The following LRMDA variants were observed in gnomAD, a reference collection of about 807,000 sequenced individuals.
LRMDA encodes leucine rich melanocyte differentiation associated, also known as leucine-rich melanocyte differentiation-associated protein.
Under a neutral mutation model 29.8 loss-of-function variants are expected in LRMDA, and 18 were observed. The ratio of observed to expected loss-of-function variants is 0.60; its 90% CI spans 0.42 to 0.90. The LOEUF is 0.90. Among genes scored for constraint, LRMDA ranks in the 40% least tolerant of loss-of-function variants. The pLI is 0.00. For missense variants in LRMDA, 273 were observed against 273.9 expected (o/e 1.00, Z 0.02); for synonymous variants, 125 against 109.4 (o/e 1.14, Z -0.89).
chr10:75,566,812 C>T (rs1160569145), intron 2 of LRMDA, among the ~76,000 whole-genome samples: 1 of 152,180 alleles, frequency 6.6e-6, no homozygotes, highest in Non-Finnish European at 1.5e-5. Context: ...CAGCTCTAGA[C>T]ATTGGCTGTC....
intron 2 of LRMDA, among the ~76,000 whole-genome samples, chr10:75,692,483 G>A (rs367864709): frequency 8.9e-5 from 13 of 145,660 alleles, no homozygotes; most frequent in Admixed American, 2.1e-4. Flanking sequence ...ACATACACAC[G>A]TATACATATA....
chr10:76,527,516 C>T (rs1843190297), intron 6 of LRMDA, among the ~76,000 whole-genome samples: 1 of 152,158 alleles, frequency 6.6e-6, no homozygotes, highest in African/African-American at 2.4e-5. Context: ...ATTAGAGCCA[C>T]TGAGTAAAAA....
At chr10:75,432,173 A>C (rs1216101160) in intron 1 of LRMDA, among the ~76,000 whole-genome samples, 1 of 152,262 alleles carries the variant, frequency 6.6e-6, no homozygotes, top group Non-Finnish European at 1.5e-5. Context: ...ATACCAATGC[A>C]GTTGTAATAT....
intron 2 of LRMDA, among the ~76,000 whole-genome samples, chr10:75,829,836 G>A (rs1490936569): frequency 6.9e-6 from 1 of 144,714 alleles, no homozygotes; most frequent in East Asian, 2.0e-4. Flanking sequence ...TTTTTGAATA[G>A]GCCACTTTTT....
At chr10:75,735,307 G>A (rs953301559) in intron 2 of LRMDA, among the ~76,000 whole-genome samples, 1 of 152,182 alleles carries the variant, frequency 6.6e-6, no homozygotes, top group Non-Finnish European at 1.5e-5. Flanking sequence ...GGGTGTTGAT[G>A]TATAATGGCA....
At chr10:76,356,619 G>A (rs779812934) in intron 6 of LRMDA, among the ~76,000 whole-genome samples, 4 of 152,074 alleles carry the variant, frequency 2.6e-5, no homozygotes, top group East Asian at 1.9e-4. Context: ...GGAAAGCTTC[G>A]TCTTGGCCTC....
intron 5 of LRMDA, among the ~76,000 whole-genome samples, chr10:76,188,888 TTCTC>T (rs1851193985): frequency 6.6e-6 from 1 of 151,672 alleles, no homozygotes; most frequent in South Asian, 2.1e-4. Flanking sequence ...TACCCTTTGT[TTCTC>T]AGTCATTTTT....
intron 5 of LRMDA, among the ~76,000 whole-genome samples, chr10:76,235,937 C>T (rs1355081243): frequency 6.6e-6 from 1 of 152,170 alleles, no homozygotes; most frequent in East Asian, 1.9e-4. Context: ...GTGTGCAGTT[C>T]CTCAGAGTAA....
At chr10:76,554,445 CTG>C (rs374349365) in intron 6 of LRMDA, among the ~76,000 whole-genome samples, 1 of 152,278 alleles carries the variant, frequency 6.6e-6, no homozygotes, top group African/African-American at 2.4e-5. Flanking sequence ...CTATTTAAAT[CTG>C]ACAGTGAATG....
In LRMDA at chr10:75,675,351, TAGA is replaced by T. The variant is rs141754244; in HGVS notation, c.131+236863_131+236865del. ...TATGTTTTCTTCAAAAGTCCTTTCCTAGAAGAAGCTGAAACCTTGATCAGTTAT... is the reference window on the plus strand; with the variant it reads ...TATGTTTTCTTCAAAAGTCCTTTCCTAGAAGCTGAAACCTTGATCAGTTAT... On this transcript the variant is annotated intron_variant, in intron 2 of 6. Coordinates refer to ENST00000611255, the MANE Select transcript of LRMDA (RefSeq NM_001305581.2). 4.7e-4 allele frequency among the ~76,000 whole-genome samples: 71 copies of T among 152,328 alleles called. 1 individual carries two copies. Among genetic ancestry groups the T allele is most frequent in the African/African-American group, 1.6e-3 (66 of 41,582 alleles).
At chr10:75,812,460 G>A (rs1456019244) in intron 2 of LRMDA, among the ~76,000 whole-genome samples, 1 of 152,114 alleles carries the variant, frequency 6.6e-6, no homozygotes, top group South Asian at 2.1e-4. Flanking sequence ...TCGACCATAA[G>A]TGGGAAATGC....
At chr10:76,430,615 C>G (rs1270413157) in intron 6 of LRMDA, among the ~76,000 whole-genome samples, 1 of 152,130 alleles carries the variant, frequency 6.6e-6, no homozygotes, top group African/African-American at 2.4e-5. Context: ...ACTGTTTCCT[C>G]CTAGGGAACC....
intron 2 of LRMDA, among the ~76,000 whole-genome samples, chr10:75,604,734 C>G (rs966989523): frequency 2.6e-5 from 4 of 152,202 alleles, no homozygotes; most frequent in African/African-American, 7.2e-5. Context: ...ATTTTAAGAA[C>G]AGTTTAACCT....
chr10:76,531,847 G>T (rs540396417), intron 6 of LRMDA, among the ~76,000 whole-genome samples: 1 of 152,260 alleles, frequency 6.6e-6, no homozygotes, highest in East Asian at 1.9e-4. Context: ...AGTGTGTGTA[G>T]AATTGCTATC....
chr10:76,221,246 A>G (rs1447199140), intron 5 of LRMDA, among the ~76,000 whole-genome samples: 1 of 152,154 alleles, frequency 6.6e-6, no homozygotes, highest in Non-Finnish European at 1.5e-5. Context: ...ACTCCTATTC[A>G]ACATAGTGTT....
At chr10:75,681,439 C>T (rs1265743972) in intron 2 of LRMDA, among the ~76,000 whole-genome samples, 8 of 152,278 alleles carry the variant, frequency 5.3e-5, no homozygotes, top group Middle Eastern at 3.4e-3. Context: ...TGCAGGTTGA[C>T]GGTGGTTTGG....
chr10:76,491,369 G>A (rs1307325635), intron 6 of LRMDA, among the ~76,000 whole-genome samples: 1 of 151,930 alleles, frequency 6.6e-6, no homozygotes, highest in East Asian at 1.9e-4. Flanking sequence ...GTCTGGTGTT[G>A]ATGAAATCCC....
chr10:76,086,170 G>A (rs1017136273), intron 5 of LRMDA, among the ~76,000 whole-genome samples: 10 of 152,188 alleles, frequency 6.6e-5, no homozygotes, highest in Admixed American at 4.6e-4. Flanking sequence ...TGAGTTCAGA[G>A]CACTTCCTTG....
At chr10:76,530,901 T>A (rs1843226357) in intron 6 of LRMDA, among the ~76,000 whole-genome samples, 1 of 152,178 alleles carries the variant, frequency 6.6e-6, no homozygotes, top group South Asian at 2.1e-4. Context: ...TGTGCCATGC[T>A]TCTGGGGACA....
Sources: allele counts gnomAD v4.1 joint callset (sites outside exome capture counted in the v4.1 genomes callset), GRCh38; gene constraint gnomAD v4.1.1; transcripts MANE v1.5; gene names NCBI Gene and HGNC (gene_info 2026-07-23, HGNC 2026-07-21).